Variants in RTKN observed in about 807,000 individuals in gnomAD.
RTKN encodes rhotekin.
Under a neutral mutation model 63.5 loss-of-function variants are expected in RTKN, and 49 were observed. The observed-to-expected ratio is 0.77, with a 90% CI of 0.61 to 0.98. The LOEUF (loss-of-function observed/expected upper bound fraction) is 0.98, where lower values mean the gene tolerates loss of function less well. RTKN is among the 50% of genes least tolerant of loss of function. The pLI is 0.00. For missense variants in RTKN, 685 were observed against 740.8 expected (o/e 0.92, Z 0.87); for synonymous variants, 295 against 290.4 (o/e 1.02, Z -0.16).
At chr2:74,434,621 G>A (rs933283588) in intron 1 of RTKN, among the ~76,000 whole-genome samples, 5 of 152,100 alleles carry the variant, frequency 3.3e-5, no homozygotes, top group African/African-American at 1.2e-4. Context: ...TCGCCATGTT[G>A]GCCAGACTAG....
chr2:74,438,147 C>G (rs1376898477), intron 1 of RTKN, among the ~76,000 whole-genome samples: 1 of 152,096 alleles, frequency 6.6e-6, no homozygotes, highest in African/African-American at 2.4e-5. Context: ...AGCAGCAGCC[C>G]CTGCCTGGTC....
intron 9 of RTKN, chr2:74,427,988 G>A (rs1670506650): frequency 1.9e-6 from 1 of 523,870 alleles, no homozygotes; most frequent in Non-Finnish European, 3.4e-6. Context: ...ATTGGAATCT[G>A]AGGGAGAAGA....
chr2:74,428,690 GAC>G lies in RTKN; in HGVS notation c.896_897del (p.Arg299ProfsTer47). On this transcript the variant is annotated frameshift_variant, in exon 8 of 12. Transcript: ENST00000272430. LOFTEE classifies it high-confidence loss of function. ...GTCATGCAGAGAGGCTGAGCTGCCA[GAC>G]GGCAACACACGCTACCATAAAGGGG... ...WLPLYGSVCC[R>X]LAAQPLCMTQ... The G allele has an allele frequency of 6.2e-7, 1 of 1,614,090 alleles. No homozygotes were observed. The highest frequency in any genetic ancestry group is 2.2e-5 in the East Asian group (1 of 44,878).
Position 74,426,053 on chromosome 2 carries a change from G to T in RTKN, c.*190C>A. 1.5e-6 allele frequency: 1 copy of T among 670,964 alleles called. No individual in the cohort carries two copies. Among genetic ancestry groups the T allele is most frequent in the South Asian group, 1.8e-5 (1 of 54,794 alleles). 41.6% of individuals were successfully genotyped at this position (670,964 alleles called of 1,614,324 possible). ...GGAGGTCCCAGCGAGCCCCAGGAAT[G>T]AGTCCCTCGGTACCATGGCAACCAC... On this transcript the variant is annotated 3_prime_UTR_variant, in exon 12 of 12. Transcript: ENST00000272430.
At chr2:74,440,991 A>C (rs1558553691) in intron 1 of RTKN, among the ~76,000 whole-genome samples, 1 of 152,170 alleles carries the variant, frequency 6.6e-6, no homozygotes, top group Non-Finnish European at 1.5e-5. Flanking sequence ...CGGGGTAGCT[A>C]TTCGCCCTCT....
intron 1 of RTKN, 129 bp from the exon 2 acceptor site, chr2:74,432,795 G>A: frequency 1.4e-6 from 1 of 704,156 alleles, no homozygotes; most frequent in Non-Finnish European, 2.4e-6. Context: ...CAGTTCAAGA[G>A]CAGGCATTGG....
At chr2:74,427,825 A>C in intron 9 of RTKN, 1 of 544,864 alleles carries the variant, frequency 1.8e-6, no homozygotes, top group Non-Finnish European at 3.3e-6. Flanking sequence ...GGGATTGAGC[A>C]AGGCAGGGAA....
chr2:74,426,873 T>G, intron 11 of RTKN: 1 of 1,329,236 alleles, frequency 7.5e-7, no homozygotes, highest in East Asian at 2.9e-5. Context: ...AAGTGAGGGG[T>G]CAGAAGAAGA....
Position 74,441,720 on chromosome 2 carries a change from T to A in RTKN, c.97A>T (p.Ser33Cys). The change falls in exon 1 of 12, where the codon AGC becomes TGC. Residue 33 changes from serine to cysteine, a missense_variant. Transcript: ENST00000272430. ...GAGTCTCTCACCTCGGGCAGGTCGC[T>A]GAAGAGGCTGAGTCGGAAGCGGCCG... ...KRGRFRLSLF[S>C]DLPEDTELQR... The A allele has an allele frequency of 6.2e-7, 1 of 1,610,746 alleles. No individual in the cohort carries two copies. Among genetic ancestry groups the A allele is most frequent in the Non-Finnish European group, 8.5e-7 (1 of 1,179,098 alleles).
chr2:74,435,984 C>T (rs1671034435), intron 1 of RTKN, among the ~76,000 whole-genome samples: 1 of 152,248 alleles, frequency 6.6e-6, no homozygotes, highest in Non-Finnish European at 1.5e-5. Context: ...CCCAAAGCCC[C>T]TCACCAGGAA....
Position 74,428,915 on chromosome 2 carries a change from G to A in RTKN, c.783C>T (p.His261=). ...GCACTGCTGCCAGGGTGAGTGTGGT[G>A]TGAGCCAAGAGGTGGTAACGAGGAC... The part of the protein sequence containing the change: ...VGGPRYHLLA[H]TTLTLAAVQD... The change falls in exon 7 of 12, where the codon CAC becomes CAT. Residue 261 remains histidine, a synonymous_variant. Coordinates refer to ENST00000272430, the MANE Select transcript of RTKN (RefSeq NM_001015055.2). 6.2e-7 allele frequency: 1 copy of A among 1,614,160 alleles called. No individual in the cohort carries two copies. The highest frequency in any genetic ancestry group is 8.5e-7 in the Non-Finnish European group (1 of 1,180,010).
intron 1 of RTKN, among the ~76,000 whole-genome samples, chr2:74,435,429 T>C (rs928435842): frequency 1.4e-4 from 22 of 152,210 alleles, no homozygotes; most frequent in Non-Finnish European, 1.9e-4. Context: ...TTAATGACGC[T>C]ATACTTTGGT....
At chr2:74,441,072 G>T (rs1252608013) in intron 1 of RTKN, among the ~76,000 whole-genome samples, 3 of 152,262 alleles carry the variant, frequency 2.0e-5, no homozygotes, top group Non-Finnish European at 4.4e-5. Flanking sequence ...GGATCCAACA[G>T]GTTAACGCGT....
At chr2:74,431,607 C>T (rs377680710) in intron 2 of RTKN, 1 of 152,360 alleles carries the variant, frequency 6.6e-6, no homozygotes. Context: ...GCTGTCCCCC[C>T]ACCAGCTTGC....
In RTKN at chr2:74,426,483, T is replaced by G. The variant is rs1670400338; in HGVS notation, c.1452A>C (p.Ala484=). The G allele has an allele frequency of 6.2e-7, 1 of 1,601,708 alleles. No individual in the cohort carries two copies. The highest frequency in any genetic ancestry group is 1.1e-5 in the South Asian group (1 of 89,890). The part of the protein sequence containing the change: ...ARLETPPPWL[A]MFTDQPALPN... ...GCAGGGCAGGCTGGTCTGTAAACAT[T>G]GCCAGCCAGGGTGGGGGTGTCTCCA... Residue 484 remains alanine, a synonymous_variant, in exon 12 of 12, where the codon GCA becomes GCC. Transcript: ENST00000272430.
chr2:74,440,499 G>A, intron 1 of RTKN: 1 of 986,850 alleles, frequency 1.0e-6, no homozygotes, highest in Non-Finnish European at 1.2e-6. Flanking sequence ...TAGCGCCCCC[G>A]CCTCCACGCC....
intron 1 of RTKN, among the ~76,000 whole-genome samples, chr2:74,438,423 G>T (rs572184378): frequency 6.6e-6 from 1 of 151,978 alleles, no homozygotes. Context: ...GGACATTTGC[G>T]AACTCTCTTG....
intron 8 of RTKN, 99 bp from the exon 9 acceptor site, chr2:74,428,495 T>A: frequency 6.3e-7 from 1 of 1,596,886 alleles, no homozygotes; most frequent in Non-Finnish European, 8.6e-7. Flanking sequence ...CACCCTGCTG[T>A]CCATTCCTCC....
rs150760957 is a variant in RTKN at position 74,426,973 on chromosome 2, T to C, written c.1360+196A>G. ...GATCCTGGCTCACTGGGGTTTTGTTTTGAACTTTGGTGGAGGTGGTTCTAA... is the reference window on the plus strand; with the variant it reads ...GATCCTGGCTCACTGGGGTTTTGTTCTGAACTTTGGTGGAGGTGGTTCTAA... On this transcript the variant is annotated intron_variant, in intron 11 of 11. Coordinates refer to ENST00000272430, the MANE Select transcript of RTKN (RefSeq NM_001015055.2). 3.8e-4 allele frequency: 378 copies of C among 985,406 alleles called. 7 individuals carry two copies. In the African/African-American group the frequency reaches 6.1e-3, roughly 16 times the overall value. The allele number at this position is 985,406 out of a possible 1,614,324, so 61.0% of individuals were successfully genotyped here.
Sources: allele counts gnomAD v4.1 joint callset (sites outside exome capture counted in the v4.1 genomes callset), GRCh38; gene constraint gnomAD v4.1.1; transcripts MANE v1.5; gene names NCBI Gene and HGNC (gene_info 2026-07-23, HGNC 2026-07-21).